FAM13A: variants seen among roughly 807,000 people sequenced by gnomAD.
FAM13A encodes family with sequence similarity 13 member A.
A neutral mutation model predicts 129.6 loss-of-function variants in FAM13A; 76 were observed. The ratio of observed to expected loss-of-function variants is 0.59; its 90% CI spans 0.49 to 0.71. The LOEUF is 0.71. FAM13A is among the 30% of genes least tolerant of loss of function. The probability of loss-of-function intolerance (pLI) is 0.00; values close to 1 mark genes in which losing one functional copy is unlikely to be tolerated. For missense variants in FAM13A, 1,108 were observed against 1,249.3 expected (o/e 0.89, Z 1.70); for synonymous variants, 443 against 449.9 (o/e 0.98, Z 0.20).
chr4:88,915,553 A>AGG (rs1440672476), intron 5 of FAM13A, among the ~76,000 whole-genome samples: 3 of 152,292 alleles, frequency 2.0e-5, no homozygotes, highest in African/African-American at 7.2e-5. Context: ...TATAATTTTG[A>AGG]TTGTGTTTAA....
intron 1 of FAM13A, among the ~76,000 whole-genome samples, chr4:89,045,951 G>C (rs910466167): frequency 2.7e-5 from 4 of 150,468 alleles, no homozygotes; most frequent in African/African-American, 9.8e-5. Context: ...TTGAACCTGG[G>C]AGGCGGAGGT....
chr4:88,760,053 G>GA (rs1744483319), intron 13 of FAM13A, among the ~76,000 whole-genome samples: 1 of 152,154 alleles, frequency 6.6e-6, no homozygotes, highest in Non-Finnish European at 1.5e-5. Flanking sequence ...ATCATTAAAT[G>GA]AAAAAACTAA....
chr4:88,979,896 G>A (rs771288055), intron 4 of FAM13A, among the ~76,000 whole-genome samples: 17 of 152,130 alleles, frequency 1.1e-4, no homozygotes, highest in Admixed American at 5.9e-4. Context: ...GCTTGAACCC[G>A]GGAGGTGGAA....
chr4:88,999,730 G>T (rs1763998436), intron 3 of FAM13A, among the ~76,000 whole-genome samples: 1 of 151,916 alleles, frequency 6.6e-6, no homozygotes, highest in African/African-American at 2.4e-5. Context: ...CTCCCCTAAG[G>T]GCCTCAAATT....
In FAM13A at chr4:88,857,628, C is replaced by CAA. The variant is rs1177788248; in HGVS notation, c.844-6447_844-6446dup. ...TGGGCAACAGAGCAAGATTCTGCCT[C>CAA]AAAAAAAAAAAAAAAAAAAAAGCTT... On this transcript the variant is annotated intron_variant, in intron 6 of 23. Coordinates refer to ENST00000264344, the MANE Select transcript of FAM13A (RefSeq NM_014883.4). Among the ~76,000 whole-genome samples the CAA allele has an allele frequency of 8.9e-3, 519 of 58,284 alleles. 11 individuals carry two copies. Among genetic ancestry groups the CAA allele is most frequent in the Middle Eastern group, 0.041 (4 of 98 alleles). The allele number at this position is 58,284 out of a possible 152,430, so 38.2% of individuals were successfully genotyped here. A position where few individuals can be genotyped will look rare whatever the true frequency, so the allele number is the denominator to read the frequency against.
At chr4:88,956,746 C>T (rs190228000) in intron 4 of FAM13A, among the ~76,000 whole-genome samples, 2 of 152,220 alleles carry the variant, frequency 1.3e-5, no homozygotes, top group African/African-American at 4.8e-5. Flanking sequence ...CACTTTCTAG[C>T]TTCTAGAGAT....
At chr4:88,737,618 G>A (rs966159764) in intron 20 of FAM13A, 63 bp from the exon 21 acceptor site, 12 of 1,299,058 alleles carry the variant, frequency 9.2e-6, no homozygotes, top group Non-Finnish European at 1.2e-5. Context: ...TCCAGCTCTC[G>A]GCCTCCTCTG....
intron 2 of FAM13A, among the ~76,000 whole-genome samples, chr4:89,025,248 T>TTTTTTTTTG (rs1767791923): frequency 4.6e-5 from 2 of 43,670 alleles, no homozygotes; most frequent in South Asian, 2.1e-3. Context: ...AATCATTGTT[T>TTTTTTTTTG]TTTTTTTTTT....
chr4:88,890,365 A>ACAAG (rs1745120128), intron 6 of FAM13A, among the ~76,000 whole-genome samples: 1 of 152,212 alleles, frequency 6.6e-6, no homozygotes, highest in South Asian at 2.1e-4. Context: ...ACCAGGGAGA[A>ACAAG]CAAGCTGGAT....
intron 2 of FAM13A, among the ~76,000 whole-genome samples, chr4:89,024,939 T>A (rs1278016480): frequency 1.3e-5 from 2 of 152,222 alleles, no homozygotes; most frequent in Non-Finnish European, 2.9e-5. Flanking sequence ...CTATTTCACA[T>A]CCCTCATTAA....
chr4:88,996,291 C>T (rs1763529583), intron 3 of FAM13A, among the ~76,000 whole-genome samples: 1 of 152,186 alleles, frequency 6.6e-6, no homozygotes, highest in African/African-American at 2.4e-5. Flanking sequence ...TGGAGGACCA[C>T]TCCGGCTGCT....
At chr4:88,749,620 A>C (rs1742124969) in intron 16 of FAM13A, 151 bp downstream of exon 16, 6 of 617,786 alleles carry the variant, frequency 9.7e-6, no homozygotes, top group Non-Finnish European at 1.6e-5. Context: ...ACTGGGGTTT[A>C]TCAGGGTGTA....
Position 88,906,414 on chromosome 4 carries a change from C to G in FAM13A, c.808G>C (p.Glu270Gln). Residue 270 changes from glutamate (E) to glutamine (Q), a missense_variant, in exon 6 of 24, where the codon GAA becomes CAA. This residue lies in a region of FAM13A where 566 missense variants were observed against 595.7 expected (regional missense o/e 0.95). Coordinates refer to ENST00000264344, the MANE Select transcript of FAM13A (RefSeq NM_014883.4). ...SLPILLTRGL[E>Q]RDMPKPPPKT... ...GGAGGTGGTTTTGGCATGTCTCTTT[C>G]TAAGCCTCTTGTTAAAAGGATGGGC... 2 of 1,612,280 alleles carry G rather than the reference C, an allele frequency of 1.2e-6. No homozygotes were observed. Among genetic ancestry groups the G allele is most frequent in the Non-Finnish European group, 1.7e-6 (2 of 1,179,008 alleles).
intron 7 of FAM13A, among the ~76,000 whole-genome samples, chr4:88,834,769 C>A (rs190671376): frequency 6.6e-6 from 1 of 152,126 alleles, no homozygotes; most frequent in Admixed American, 6.5e-5. Flanking sequence ...GTCTACAAAA[C>A]AAATAGTACA....
At chr4:88,863,255 ATTAATCGTGCC>A (rs1739812060) in intron 6 of FAM13A, among the ~76,000 whole-genome samples, 1 of 152,142 alleles carries the variant, frequency 6.6e-6, no homozygotes, top group African/African-American at 2.4e-5. Context: ...CAATGCTTTA[ATTAATCGTGCC>A]CACCTAATGG....
intron 6 of FAM13A, among the ~76,000 whole-genome samples, chr4:88,867,758 A>G (rs938282659): frequency 6.6e-6 from 1 of 152,250 alleles, no homozygotes; most frequent in African/African-American, 2.4e-5. Context: ...AAATTTATAT[A>G]TAATTTCAGG....
At chr4:88,788,006 A>G in intron 9 of FAM13A, 74 bp from the exon 10 acceptor site, 1 of 1,206,968 alleles carries the variant, frequency 8.3e-7, no homozygotes, top group South Asian at 1.5e-5. Context: ...CTGTGCCTAC[A>G]GTTTTGGGAA....
chr4:88,853,155 A>C (rs1737905000), intron 6 of FAM13A, among the ~76,000 whole-genome samples: 2 of 152,166 alleles, frequency 1.3e-5, no homozygotes, highest in Admixed American at 6.5e-5. Flanking sequence ...GCAAGGAAAA[A>C]ATTTTTAAAT....
At chr4:88,967,955 T>C (rs1227363389) in intron 4 of FAM13A, among the ~76,000 whole-genome samples, 1 of 152,102 alleles carries the variant, frequency 6.6e-6, no homozygotes, top group Non-Finnish European at 1.5e-5. Flanking sequence ...GCTGTGGTGG[T>C]AGTGTGTGTG....
Sources: gnomAD v4.1 joint callset for allele counts (sites outside exome capture counted in the v4.1 genomes callset) on GRCh38, gnomAD v4.1.1 for gene constraint, gnomAD v4.1.1 regional missense constraint, MANE v1.5 for transcripts, NCBI Gene and HGNC (gene_info 2026-07-23, HGNC 2026-07-21) for gene names.